Variants in CKB observed in about 807,000 individuals in gnomAD.
The protein encoded by CKB is creatine kinase B, also known as creatine kinase B-type.
CKB carries 15 observed loss-of-function variants against 36.9 expected under a neutral mutation model. The observed-to-expected ratio is 0.41, with a 90% CI of 0.27 to 0.63. The LOEUF (loss-of-function observed/expected upper bound fraction) is 0.63. CKB is among the 20% of genes least tolerant of loss of function. CKB has a pLI of 0.34. For missense variants in CKB, 413 were observed against 534.9 expected (o/e 0.77, Z 2.25); for synonymous variants, 250 against 228.2 (o/e 1.10, Z -0.86).
intron 4 of CKB, 40 bp from the exon 5 acceptor site, chr14:103,521,474 G>T: frequency 6.9e-7 from 1 of 1,457,478 alleles, no homozygotes; most frequent in Non-Finnish European, 9.0e-7. Context: ...TCCCGCGCCC[G>T]CCCCTCCAGC....
Position 103,522,018 on chromosome 14 carries a change from C to G in CKB, c.348+5G>C, listed in dbSNP as rs1411730726. 7 of 1,548,346 alleles carry G rather than the reference C, an allele frequency of 4.5e-6. No individual in the cohort carries two copies. The highest frequency in any genetic ancestry group is 2.4e-5 in the East Asian group (1 of 41,078). On this transcript the variant is annotated splice_donor_5th_base_variant and intron_variant, in intron 3 of 7. Transcript: ENST00000348956. This position sits in a 1 kb window ranked among gnomAD's most constrained non-coding sequence, Gnocchi z 6.7. ...CGCCCGCCCGGCCCGCCCGCAGCCC[C>G]GCACCTGCAGGTTGTCGGGGTTGAG...
At position 103,522,483 on chromosome 14, in the gene CKB, G is replaced by A. The variant is rs1252407628; in HGVS notation, c.11C>T (p.Ser4Phe). 1.3e-6 allele frequency: 2 copies of A among 1,599,448 alleles called. No individual in the cohort carries two copies. Among genetic ancestry groups the A allele is most frequent in the Admixed American group, 1.7e-5 (1 of 59,216 alleles). Residue 4 changes from serine (S) to phenylalanine (F), a missense_variant, in exon 2 of 8, where the codon TCC (serine) becomes TTC (phenylalanine). Ser to Phe is a radical substitution (Grantham distance 155). Coordinates refer to ENST00000348956, the MANE Select transcript of CKB (RefSeq NM_001823.5). The surrounding 1 kb of genome is among the most constrained non-coding windows in gnomAD (Gnocchi z 6.7). MPF[S>F]NSHNALKLRF... ...CAGCTTCAGTGCGTTGTGGCTGTTG[G>A]AGAAGGGCATGGCGGCGGCGGGCTG... is the stretch of plus-strand genomic sequence containing the variant.
chr14:103,520,204 C>T lies in CKB; in HGVS notation c.885G>A (p.Val295=), dbSNP rs763930350. The T allele has an allele frequency of 6.2e-7, 1 of 1,613,396 alleles. No homozygotes were observed. The highest frequency in any genetic ancestry group is 1.3e-5 in the African/African-American group (1 of 74,900). ...TGCCCAGGTTGGGCAGCTTGATATG[C>T]ACACCTGCCCGCAGCCCGGTGCCCA... ...SNLGTGLRAG[V]HIKLPNLGKH... Residue 295 remains valine (V), a synonymous_variant, in exon 7 of 8, where the codon GTG becomes GTA. Transcript: ENST00000348956.
At chr14:103,521,635 G>C in intron 4 of CKB, 183 bp downstream of exon 4, 1 of 943,036 alleles carries the variant, frequency 1.1e-6, no homozygotes, top group Non-Finnish European at 1.4e-6. Flanking sequence ...CTGGGCCCCA[G>C]GCCGCTGTGG....
rs1447182479 is a variant in CKB, at chr14:103,522,265, G to A, written c.193+36C>T. The A allele has an allele frequency of 3.8e-6, 6 of 1,571,106 alleles. No homozygotes were observed. The highest frequency in any genetic ancestry group is 5.2e-6 in the Non-Finnish European group (6 of 1,161,468). On this transcript the variant is annotated intron_variant, in intron 2 of 7. Transcript: ENST00000348956. This position sits in a 1 kb window ranked among gnomAD's most constrained non-coding sequence, Gnocchi z 6.7. ...GGACCCTGCGGCTGCGCGGGGGGAG[G>A]GGGGGCCGGGACCCCGGCCCCGAGG...
chr14:103,521,114 G>T, intron 5 of CKB, 149 bp downstream of exon 5: 2 of 1,003,660 alleles, frequency 2.0e-6, no homozygotes, highest in Non-Finnish European at 1.5e-6. Context: ...GGCGCGGCAC[G>T]GAACCCAGAC....
chr14:103,520,505 C>T lies in CKB; in HGVS notation c.741G>A (p.Lys247=), dbSNP rs148243589. 3 of 1,609,336 alleles carry T rather than the reference C, an allele frequency of 1.9e-6. No individual in the cohort carries two copies. The highest frequency in any genetic ancestry group is 1.7e-6 in the Non-Finnish European group (2 of 1,177,920). Residue 247 remains lysine (K), a synonymous_variant, in exon 6 of 8, where the codon AAG becomes AAA. Coordinates refer to ENST00000348956, the MANE Select transcript of CKB (RefSeq NM_001823.5). The part of the protein sequence containing the change: ...VISMQKGGNM[K]EVFTRFCTGL... ...CGGTGCAGAAGCGGGTGAACACCTCCTTCATGTTGCCCCCCTTCTGCATGG... is the reference window on the plus strand; with the variant it reads ...CGGTGCAGAAGCGGGTGAACACCTCTTTCATGTTGCCCCCCTTCTGCATGG...
chr14:103,521,058 AGTCCCTTAACGCACCTG>A, intron 5 of CKB, 188 bp downstream of exon 5: 1 of 722,768 alleles, frequency 1.4e-6, no homozygotes, highest in Non-Finnish European at 2.5e-6. Flanking sequence ...GCCGGGGCCC[AGTCCCTTAACGCACCTG>A]CTCGGCCAAG....
chr14:103,521,025 T>G (rs1383603719), intron 5 of CKB: 1 of 643,348 alleles, frequency 1.6e-6, no homozygotes. Context: ...GGGGAGGTGT[T>G]GCTGAGTCCT....
chr14:103,519,930 G>T lies in CKB; in HGVS notation c.1080C>A (p.Leu360=). The change falls in exon 8 of 8, where the codon CTC becomes CTA. Residue 360 remains leucine, a synonymous_variant. Coordinates refer to ENST00000348956, the MANE Select transcript of CKB (RefSeq NM_001823.5). ...GCTCCAGCCGCTGCTCCATCTCGAT[G>T]AGCAGCTTCACTCCGTCCACCACCA... ...VQMVVDGVKL[L]IEMEQRLEQG... 6.2e-7 allele frequency: 1 copy of T among 1,609,914 alleles called. No individual in the cohort carries two copies.
rs1414290756 is a variant in CKB, at chr14:103,522,544, G to A, written c.-12-39C>T. 6.9e-7 allele frequency: 1 copy of A among 1,457,160 alleles called. No individual in the cohort carries two copies. The allele number at this position is 1,457,160 out of a possible 1,614,324, so 90.3% of individuals were successfully genotyped here. ...CGGGGTCAGAGGGGACCGGCACGCC[G>A]GGGTTCCCGGGCTCCCGCGTACCAC... On this transcript the variant is annotated intron_variant, in intron 1 of 7. Transcript: ENST00000348956. This position sits in a 1 kb window ranked among gnomAD's most constrained non-coding sequence, Gnocchi z 6.7.
chr14:103,520,754 G>T, intron 5 of CKB, 162 bp from the exon 6 acceptor site: 2 of 1,009,860 alleles, frequency 2.0e-6, no homozygotes, highest in South Asian at 3.4e-5. Flanking sequence ...CGGGGGAACC[G>T]GGACGCCTCA....
Position 103,521,837 on chromosome 14 carries a change from G to T in CKB, c.462C>A (p.Ile154=). 1.3e-6 allele frequency: 2 copies of T among 1,508,086 alleles called. No homozygotes were observed. The highest frequency in any genetic ancestry group is 1.8e-6 in the Non-Finnish European group (2 of 1,137,354). The allele number at this position is 1,508,086 out of a possible 1,614,324, so 93.4% of individuals were successfully genotyped here. Residue 154 remains isoleucine (I), a synonymous_variant, in exon 4 of 8, where the codon ATC becomes ATA. Transcript: ENST00000348956. Reference sequence around the variant, plus strand: ...CCCTACCTTCCACCGCGAGCTTCTCGATGGCGCGGCGCTCCCCGCGGCTGC... The same window carrying T: ...CCCTACCTTCCACCGCGAGCTTCTCTATGGCGCGGCGCTCCCCGCGGCTGC... ...PHCSRGERRA[I]EKLAVEALSS...
chr14:103,520,776 C>A, intron 5 of CKB, 184 bp from the exon 6 acceptor site: 4 of 818,034 alleles, frequency 4.9e-6, no homozygotes, highest in Non-Finnish European at 7.3e-6. Flanking sequence ...AGCAGGAGAA[C>A]CCCAGCTGCC....
intron 5 of CKB, chr14:103,521,039 CCCCCACGGGCCGGGGCCCAGT>C: frequency 1.5e-6 from 1 of 681,674 alleles, no homozygotes; most frequent in Non-Finnish European, 2.6e-6. Flanking sequence ...GAGTCCTGAG[CCCCCACGGGCCGGGGCCCAGT>C]CCCTTAACGC....
chr14:103,521,720 G>C (rs2075902528), intron 4 of CKB, 98 bp downstream of exon 4: 2 of 1,257,076 alleles, frequency 1.6e-6, no homozygotes, highest in Admixed American at 8.4e-5. Flanking sequence ...GAGCGCGACG[G>C]CGGCTGCCGC....
At chr14:103,521,133 C>T (rs2142230377) in intron 5 of CKB, 130 bp downstream of exon 5, 4 of 1,157,842 alleles carry the variant, frequency 3.5e-6, no homozygotes, top group Non-Finnish European at 5.0e-6. Context: ...ACCCGGAGCG[C>T]GGCCGGCCCC....
In CKB at chr14:103,519,855, G is replaced by C. The variant is rs752921483; in HGVS notation, c.*9C>G. 1.1e-5 allele frequency: 18 copies of C among 1,595,298 alleles called. No individual in the cohort carries two copies. Among genetic ancestry groups the C allele is most frequent in the Non-Finnish European group, 1.5e-5 (18 of 1,175,516 alleles). ...AGCAGCAGGGCTGGTGTCGGGTGTG[G>C]GCCGGGCTTCATTTCTGGGCAGGCA... On this transcript the variant is annotated 3_prime_UTR_variant, in exon 8 of 8. Coordinates refer to ENST00000348956, the MANE Select transcript of CKB (RefSeq NM_001823.5).
rs2075886187 is a variant in CKB, at chr14:103,519,804, G to A, written c.*60C>T. The A allele has an allele frequency of 6.5e-7, 1 of 1,533,576 alleles. No homozygotes were observed. Among genetic ancestry groups the A allele is most frequent in the Non-Finnish European group, 8.8e-7 (1 of 1,141,644 alleles). The allele number at this position is 1,533,576 out of a possible 1,614,324, so 95.0% of individuals were successfully genotyped here. ...CGGCGAACATCAGGGGTGCATGGTGGGCACTGCCCAGGCAATAAGTTAGGA... is the reference window on the plus strand; with the variant it reads ...CGGCGAACATCAGGGGTGCATGGTGAGCACTGCCCAGGCAATAAGTTAGGA... On this transcript the variant is annotated 3_prime_UTR_variant, in exon 8 of 8. Transcript: ENST00000348956.
Sources: gnomAD v4.1 joint callset for allele counts on GRCh38, gnomAD v4.1.1 for gene constraint, Gnocchi (gnomAD v3.1) non-coding constraint, MANE v1.5 for transcripts, NCBI Gene and HGNC (gene_info 2026-07-23, HGNC 2026-07-21) for gene names.